The following RSRC1 variants were observed in gnomAD, a reference collection of about 807,000 sequenced individuals.
The protein encoded by RSRC1 is serine/Arginine-related protein 53.
RSRC1 carries 39 observed loss-of-function variants against 49.1 expected under a neutral mutation model. The ratio of observed to expected loss-of-function variants is 0.79; its 90% CI spans 0.61 to 1.04. The LOEUF is 1.04. Ranked by LOEUF, RSRC1 falls within the 50% of genes least tolerant of loss-of-function variation. The pLI is 0.00. For missense variants in RSRC1, 388 were observed against 402.4 expected (o/e 0.96, Z 0.31); for synonymous variants, 143 against 130.8 (o/e 1.09, Z -0.63).
At chr3:158,491,055 T>C (rs1739064826) in intron 7 of RSRC1, among the ~76,000 whole-genome samples, 1 of 152,218 alleles carries the variant, frequency 6.6e-6, no homozygotes. Flanking sequence ...TATAAAACTT[T>C]TGCTTTTCAA....
chr3:158,267,258 C>T (rs1725241803), intron 4 of RSRC1, among the ~76,000 whole-genome samples: 1 of 152,062 alleles, frequency 6.6e-6, no homozygotes, highest in Non-Finnish European at 1.5e-5. Flanking sequence ...GTTCTCTGGC[C>T]TCTTTCCAGG....
At chr3:158,278,604 C>T (rs1333722883) in intron 4 of RSRC1, among the ~76,000 whole-genome samples, 2 of 152,208 alleles carry the variant, frequency 1.3e-5, no homozygotes. Flanking sequence ...TTTGCCTTAT[C>T]TCTTCACTGG....
chr3:158,257,289 G>T (rs971109055), intron 4 of RSRC1, among the ~76,000 whole-genome samples: 8 of 151,902 alleles, frequency 5.3e-5, no homozygotes, highest in African/African-American at 1.9e-4. Flanking sequence ...GTTCTTATTT[G>T]TTTCAAAGAT....
At chr3:158,161,118 A>G (rs1228274685) in intron 3 of RSRC1, among the ~76,000 whole-genome samples, 1 of 152,186 alleles carries the variant, frequency 6.6e-6, no homozygotes, top group Non-Finnish European at 1.5e-5. Flanking sequence ...TTAGTCAGCT[A>G]TTGACACAAT....
intron 4 of RSRC1, among the ~76,000 whole-genome samples, chr3:158,256,024 T>C (rs1311838928): frequency 6.6e-6 from 1 of 152,192 alleles, no homozygotes; most frequent in Non-Finnish European, 1.5e-5. Context: ...CAGTTTGACT[T>C]CCTCTTTTCC....
In RSRC1 at chr3:158,203,260, A is replaced by G. The variant is rs1270199206; in HGVS notation, c.494+15A>G. The G allele has an allele frequency of 1.3e-6, 2 of 1,561,726 alleles. No individual in the cohort carries two copies. Among genetic ancestry groups the G allele is most frequent in the Admixed American group, 1.9e-5 (1 of 51,986 alleles). The stretch of plus-strand genomic sequence containing the variant: ...ATCAAACGTGGGTAAGTTGGAGCAA[A>G]TCTTATCTGGTAAGGACTTGGTGAT... On this transcript the variant is annotated intron_variant, in intron 4 of 9. Transcript: ENST00000611884.
At chr3:158,430,361 G>C (rs145651651) in intron 6 of RSRC1, among the ~76,000 whole-genome samples, 164 of 151,998 alleles carry the variant, frequency 1.1e-3, no homozygotes, top group African/African-American at 3.7e-3. Context: ...GCAGCCACTA[G>C]CATTCGACTG....
At chr3:158,405,269 A>C (rs976445622) in intron 6 of RSRC1, among the ~76,000 whole-genome samples, 1 of 151,724 alleles carries the variant, frequency 6.6e-6, no homozygotes, top group African/African-American at 2.4e-5. Flanking sequence ...ATGCACACAA[A>C]TGTGAATTTT....
intron 6 of RSRC1, among the ~76,000 whole-genome samples, chr3:158,388,746 A>T (rs1210550674): frequency 6.6e-6 from 1 of 151,854 alleles, no homozygotes; most frequent in East Asian, 1.9e-4. Context: ...GGTAGCTTGC[A>T]CTACAGGCAC....
chr3:158,277,577 C>T (rs555398311), intron 4 of RSRC1, among the ~76,000 whole-genome samples: 1 of 152,092 alleles, frequency 6.6e-6, no homozygotes, highest in Non-Finnish European at 1.5e-5. Context: ...AATTTGAGGT[C>T]AAAAAACATA....
chr3:158,356,158 A>G (rs1731145356), intron 6 of RSRC1, among the ~76,000 whole-genome samples: 1 of 152,000 alleles, frequency 6.6e-6, no homozygotes, highest in African/African-American at 2.4e-5. Flanking sequence ...GCTGCAGATG[A>G]TGGGGGACTA....
At chr3:158,305,862 T>G (rs2108133496) in intron 5 of RSRC1, among the ~76,000 whole-genome samples, 1 of 152,214 alleles carries the variant, frequency 6.6e-6, no homozygotes, top group East Asian at 1.9e-4. Context: ...TCTGTTTCAC[T>G]TTTTTAATTT....
chr3:158,457,584 C>T (rs1737397052), intron 6 of RSRC1, among the ~76,000 whole-genome samples: 1 of 151,964 alleles, frequency 6.6e-6, no homozygotes. Context: ...ATATACAGCC[C>T]AAGAATAGAA....
chr3:158,530,909 TAAATA>T (rs1207459945), intron 7 of RSRC1, among the ~76,000 whole-genome samples: 5 of 30,906 alleles, frequency 1.6e-4, no homozygotes, highest in African/African-American at 6.2e-4. Flanking sequence ...AAAAAAATAA[TAAATA>T]AAAAAAAAAA....
At chr3:158,414,440 C>T (rs1360222734) in intron 6 of RSRC1, among the ~76,000 whole-genome samples, 1 of 151,988 alleles carries the variant, frequency 6.6e-6, no homozygotes, top group East Asian at 1.9e-4. Context: ...ATAACTAATG[C>T]ATGTGAGGCT....
At chr3:158,253,696 TTCTC>T (rs1308459666) in intron 4 of RSRC1, among the ~76,000 whole-genome samples, 1 of 152,134 alleles carries the variant, frequency 6.6e-6, no homozygotes, top group Admixed American at 6.5e-5. Flanking sequence ...TGAAATCTGT[TTCTC>T]TCTTTAGGTC....
chr3:158,383,844 C>T (rs1732833247), intron 6 of RSRC1, among the ~76,000 whole-genome samples: 3 of 152,064 alleles, frequency 2.0e-5, no homozygotes, highest in African/African-American at 7.2e-5. Context: ...TAGATTAGCT[C>T]TGAGAGTCAA....
intron 4 of RSRC1, among the ~76,000 whole-genome samples, chr3:158,233,981 T>G (rs1408621082): frequency 6.6e-6 from 1 of 152,142 alleles, no homozygotes; most frequent in Admixed American, 6.6e-5. Context: ...GCAGATAGCT[T>G]TTGTCATCCC....
chr3:158,230,876 TTAGA>T (rs1430381458), intron 4 of RSRC1, among the ~76,000 whole-genome samples: 10 of 152,086 alleles, frequency 6.6e-5, no homozygotes, highest in African/African-American at 2.4e-4. Context: ...TGACATGATA[TTAGA>T]TAAATACATG....
Sources: gnomAD v4.1 joint callset for allele counts (sites outside exome capture counted in the v4.1 genomes callset) on GRCh38, gnomAD v4.1.1 for gene constraint, MANE v1.5 for transcripts, NCBI Gene and HGNC (gene_info 2026-07-23, HGNC 2026-07-21) for gene names.